MED27: variants seen among roughly 807,000 people sequenced by gnomAD.
MED27 encodes mediator complex subunit 27, also known as mediator of RNA polymerase II transcription subunit 27.
MED27 carries 30 observed loss-of-function variants against 38.2 expected under a neutral mutation model. That is an observed-to-expected ratio of 0.79 (90% CI 0.59 to 1.07). The LOEUF is 1.07. Among genes scored for constraint, MED27 ranks in the 50% least tolerant of loss-of-function variants. The probability of loss-of-function intolerance (pLI) is 0.00; values close to 1 mark genes in which losing one functional copy is unlikely to be tolerated. For missense variants in MED27, 289 were observed against 397.5 expected (o/e 0.73, Z 2.32); for synonymous variants, 122 against 153.5 (o/e 0.79, Z 1.52).
At chr9:132,071,733 A>AACGCACGTCC (rs1833943380) in intron 2 of MED27, among the ~76,000 whole-genome samples, 2 of 151,892 alleles carry the variant, frequency 1.3e-5, no homozygotes, top group Non-Finnish European at 2.9e-5. Context: ...GCATACGAGT[A>AACGCACGTCC]ATGCACGTCC....
chr9:131,881,165 A>G (rs1330665461), intron 6 of MED27, among the ~76,000 whole-genome samples: 1 of 152,246 alleles, frequency 6.6e-6, no homozygotes, highest in Non-Finnish European at 1.5e-5. Context: ...AAGCAAGACA[A>G]GGATAATGAG....
At chr9:132,078,671 A>G (rs1379555907) in intron 1 of MED27, among the ~76,000 whole-genome samples, 1 of 152,170 alleles carries the variant, frequency 6.6e-6, no homozygotes, top group Non-Finnish European at 1.5e-5. Flanking sequence ...AAGGAGACCA[A>G]GTTGAAAAAA....
At chr9:131,934,394 G>C (rs554217251) in intron 4 of MED27, among the ~76,000 whole-genome samples, 18 of 151,790 alleles carry the variant, frequency 1.2e-4, no homozygotes, top group African/African-American at 4.1e-4. Flanking sequence ...ATCTGACAAA[G>C]GATTAATAGC....
intron 2 of MED27, among the ~76,000 whole-genome samples, chr9:132,062,674 G>C (rs1292156054): frequency 6.6e-6 from 1 of 151,532 alleles, no homozygotes; most frequent in African/African-American, 2.4e-5. Flanking sequence ...CTGGAGTACA[G>C]TGGGGTGATC....
chr9:132,016,715 G>A (rs1457802852), intron 2 of MED27, among the ~76,000 whole-genome samples: 1 of 152,162 alleles, frequency 6.6e-6, no homozygotes, highest in Admixed American at 6.5e-5. Flanking sequence ...TTCCTCCTTT[G>A]TATTTACTAG....
In MED27 at chr9:132,066,887, T is replaced by C. The variant is rs562106615; in HGVS notation, c.348+10555A>G. ...TAATAAAAATAAAAATAAAAGCACA[T>C]AGCAGCCAAAGAACTGGAGAAGAAG... is the stretch of plus-strand genomic sequence containing the variant. On this transcript the variant is annotated intron_variant, in intron 2 of 7. Coordinates refer to ENST00000292035, the MANE Select transcript of MED27 (RefSeq NM_004269.4). Among the ~76,000 whole-genome samples the C allele has an allele frequency of 2.3e-3, 349 of 152,224 alleles. 1 individual carries two copies. The highest frequency in any genetic ancestry group is 3.7e-3 in the Non-Finnish European group (251 of 68,018).
intron 3 of MED27, among the ~76,000 whole-genome samples, chr9:131,948,949 C>A (rs12352659): frequency 6.6e-6 from 1 of 152,142 alleles, no homozygotes; most frequent in South Asian, 2.1e-4. Context: ...TTCCAGAAGT[C>A]GAAATCAATG....
intron 2 of MED27, among the ~76,000 whole-genome samples, chr9:132,025,305 C>T (rs1832795614): frequency 1.3e-5 from 2 of 151,972 alleles, no homozygotes; most frequent in South Asian, 2.1e-4. Flanking sequence ...GGCTCAGCCT[C>T]GCGAGTTGCT....
chr9:131,897,884 T>C (rs1392357124), intron 4 of MED27, among the ~76,000 whole-genome samples: 1 of 152,224 alleles, frequency 6.6e-6, no homozygotes, highest in Non-Finnish European at 1.5e-5. Context: ...GTCCACACAA[T>C]GTGACTGGTT....
chr9:131,967,557 T>A (rs1831376140), intron 3 of MED27, among the ~76,000 whole-genome samples: 1 of 151,658 alleles, frequency 6.6e-6, no homozygotes, highest in Non-Finnish European at 1.5e-5. Flanking sequence ...AATGGCACGA[T>A]CTCAGCTCAC....
chr9:132,052,805 C>A (rs961077573), intron 2 of MED27, among the ~76,000 whole-genome samples: 3 of 152,210 alleles, frequency 2.0e-5, no homozygotes, highest in Admixed American at 6.5e-5. Flanking sequence ...CACTTAATAA[C>A]CTCCAGTTCT....
intron 4 of MED27, among the ~76,000 whole-genome samples, chr9:131,900,801 G>A (rs1829929651): frequency 6.6e-6 from 1 of 152,048 alleles, no homozygotes; most frequent in Admixed American, 6.6e-5. Context: ...AACTATTTAT[G>A]TAAAACCATC....
Position 131,997,594 on chromosome 9 carries a change from G to A in MED27, c.479+16743C>T, listed in dbSNP as rs1288880248. On this transcript the variant is annotated intron_variant, in intron 3 of 7. Coordinates refer to ENST00000292035, the MANE Select transcript of MED27 (RefSeq NM_004269.4). This position sits in a 1 kb window ranked among gnomAD's most constrained non-coding sequence, Gnocchi z 4.0. ...TTCCTCCCACTTTCTTTCACAGGGG[G>A]TGATCCCTAATAAATATATTGCAGC... Among the ~76,000 whole-genome samples, 1 of 152,186 alleles carries A rather than the reference G, an allele frequency of 6.6e-6. No individual in the cohort carries two copies. The highest frequency in any genetic ancestry group is 6.5e-5 in the Admixed American group (1 of 15,280).
intron 3 of MED27, among the ~76,000 whole-genome samples, chr9:131,985,245 T>C (rs1435404013): frequency 6.6e-6 from 1 of 152,222 alleles, no homozygotes; most frequent in Admixed American, 6.5e-5. Flanking sequence ...CCTTTCTTTT[T>C]AGTGCTTTTT....
chr9:131,904,069 T>C (rs1206998900), intron 4 of MED27, among the ~76,000 whole-genome samples: 3 of 152,118 alleles, frequency 2.0e-5, no homozygotes, highest in African/African-American at 7.2e-5. Context: ...CTGGCTAATT[T>C]TTGTATTTTT....
intron 2 of MED27, among the ~76,000 whole-genome samples, chr9:132,033,172 G>A (rs561716971): frequency 2.0e-5 from 3 of 152,288 alleles, no homozygotes; most frequent in Admixed American, 2.0e-4. Context: ...ACACAATTAT[G>A]AAGGCAATCC....
intron 2 of MED27, among the ~76,000 whole-genome samples, chr9:132,049,537 C>T (rs780381701): frequency 1.2e-4 from 18 of 152,120 alleles, no homozygotes; most frequent in African/African-American, 4.3e-4. Flanking sequence ...AGCAGGAAGA[C>T]GGCCAGCACG....
intron 2 of MED27, among the ~76,000 whole-genome samples, chr9:132,054,599 G>C (rs1021151690): frequency 6.6e-6 from 1 of 152,078 alleles, no homozygotes; most frequent in Non-Finnish European, 1.5e-5. Context: ...ATTGTTTGTA[G>C]AGATGGAGTT....
intron 4 of MED27, among the ~76,000 whole-genome samples, chr9:131,929,579 G>A (rs898071846): frequency 2.6e-5 from 4 of 152,178 alleles, no homozygotes; most frequent in African/African-American, 9.7e-5. Flanking sequence ...ACTTTTCACT[G>A]ACTGAAGGGC....
Sources: allele counts gnomAD v4.1 joint callset (sites outside exome capture counted in the v4.1 genomes callset), GRCh38; gene constraint gnomAD v4.1.1; non-coding constraint Gnocchi (gnomAD v3.1); transcripts MANE v1.5; gene names NCBI Gene and HGNC (gene_info 2026-07-23, HGNC 2026-07-21).